MDGA2: variants seen among roughly 807,000 people sequenced by gnomAD.
The protein encoded by MDGA2 is MAM domain containing glycosylphosphatidylinositol anchor 2, also known as MAM domain-containing glycosylphosphatidylinositol anchor protein 2.
In MDGA2, 40 loss-of-function variants were observed where a neutral mutation model predicts 117.8. That is an observed-to-expected ratio of 0.34 (90% CI 0.26 to 0.44). The LOEUF (loss-of-function observed/expected upper bound fraction) is 0.44. MDGA2 is among the 20% of genes least tolerant of loss of function. The pLI is 1.00. For synonymous variants in MDGA2, 452 were observed against 439.0 expected (o/e 1.03, Z -0.37); for missense variants, 1,123 against 1,250.6 (o/e 0.90, Z 1.54).
intron 1 of MDGA2, among the ~76,000 whole-genome samples, chr14:47,327,224 T>C (rs1307225157): frequency 6.6e-6 from 1 of 152,080 alleles, no homozygotes. Context: ...AATCAATCTC[T>C]TCCCCCTTTG....
intron 2 of MDGA2, among the ~76,000 whole-genome samples, chr14:47,291,862 T>G (rs1888901598): frequency 6.6e-6 from 1 of 152,174 alleles, no homozygotes; most frequent in Non-Finnish European, 1.5e-5. Flanking sequence ...GACAATCAAG[T>G]TCCTTGTGCA....
intron 7 of MDGA2, among the ~76,000 whole-genome samples, chr14:47,052,194 T>G (rs1273501222): frequency 6.6e-6 from 1 of 151,638 alleles, no homozygotes; most frequent in East Asian, 1.9e-4. Context: ...AAAATTCAAA[T>G]AGTTTCTATG....
chr14:46,874,413 C>T (rs1364169139), intron 12 of MDGA2, among the ~76,000 whole-genome samples: 1 of 151,624 alleles, frequency 6.6e-6, no homozygotes, highest in Admixed American at 6.6e-5. Flanking sequence ...AAATTAATAT[C>T]TTATTGAATA....
At chr14:47,302,640 T>C (rs1566729245) in intron 1 of MDGA2, among the ~76,000 whole-genome samples, 2 of 152,138 alleles carry the variant, frequency 1.3e-5, no homozygotes, top group East Asian at 1.9e-4. Context: ...ATGAATCTTA[T>C]AGAATTTTAA....
intron 7 of MDGA2, among the ~76,000 whole-genome samples, chr14:47,054,675 A>AC (rs1177052339): frequency 6.6e-6 from 1 of 151,830 alleles, no homozygotes; most frequent in African/African-American, 2.4e-5. Context: ...ATGGAACAGA[A>AC]CAGAGCCCTC....
chr14:47,650,246 C>CTACG (rs1281223025), intron 1 of MDGA2, among the ~76,000 whole-genome samples: 9 of 152,166 alleles, frequency 5.9e-5, no homozygotes, highest in Admixed American at 6.5e-5. Context: ...TAGGCTGGAA[C>CTACG]TACGTCCTCA....
intron 3 of MDGA2, among the ~76,000 whole-genome samples, chr14:47,195,313 C>A (rs1259913384): frequency 2.0e-5 from 3 of 151,954 alleles, no homozygotes; most frequent in African/African-American, 7.2e-5. Flanking sequence ...TATTGCTAAT[C>A]TACTCGAAAA....
intron 1 of MDGA2, among the ~76,000 whole-genome samples, chr14:47,311,123 G>A (rs10483575): frequency 1.3e-5 from 2 of 151,972 alleles, no homozygotes; most frequent in East Asian, 3.9e-4. Context: ...TTTAATCTCT[G>A]TAGACTGAAA....
At chr14:47,283,780 C>CCTT (rs1460232436) in intron 2 of MDGA2, among the ~76,000 whole-genome samples, 1 of 152,120 alleles carries the variant, frequency 6.6e-6, no homozygotes, top group Non-Finnish European at 1.5e-5. Context: ...CACCAGCTTT[C>CCTT]CTTTCTATAG....
chr14:47,384,089 C>T (rs555223625), intron 1 of MDGA2, among the ~76,000 whole-genome samples: 1 of 152,054 alleles, frequency 6.6e-6, no homozygotes, highest in Non-Finnish European at 1.5e-5. Flanking sequence ...TGAATACCAT[C>T]AAATACTCTC....
chr14:47,527,948 G>A (rs1219476342), intron 1 of MDGA2, among the ~76,000 whole-genome samples: 1 of 152,222 alleles, frequency 6.6e-6, no homozygotes, highest in Non-Finnish European at 1.5e-5. Context: ...ACTTGAGCAT[G>A]TTTACACACT....
intron 9 of MDGA2, among the ~76,000 whole-genome samples, chr14:46,953,968 G>T (rs1885463672): frequency 1.3e-5 from 2 of 152,042 alleles, no homozygotes; most frequent in African/African-American, 4.8e-5. Context: ...CTGTCATCTG[G>T]TTTCCTATAT....
At chr14:47,301,683 T>A in intron 1 of MDGA2, 133 bp from the exon 2 acceptor site, 1 of 865,788 alleles carries the variant, frequency 1.2e-6, no homozygotes, top group Non-Finnish European at 1.8e-6. Context: ...TCATCAGTCT[T>A]AACACCTCCC....
At chr14:46,899,310 T>C (rs1414899926) in intron 10 of MDGA2, among the ~76,000 whole-genome samples, 1 of 152,002 alleles carries the variant, frequency 6.6e-6, no homozygotes, top group Non-Finnish European at 1.5e-5. Context: ...CAAAGCAGAA[T>C]TACAATAAAT....
At chr14:47,644,752 C>T (rs1466726074) in intron 1 of MDGA2, among the ~76,000 whole-genome samples, 6 of 151,834 alleles carry the variant, frequency 4.0e-5, no homozygotes, top group South Asian at 2.1e-4. Flanking sequence ...TATGAGATGA[C>T]GGACATGCTA....
intron 8 of MDGA2, among the ~76,000 whole-genome samples, chr14:46,999,891 A>G (rs957661990): frequency 1.3e-5 from 2 of 151,998 alleles, no homozygotes; most frequent in Non-Finnish European, 2.9e-5. Context: ...ACCTTCACAC[A>G]TGTCTAAGGG....
chr14:47,341,330 T>C lies in MDGA2; in HGVS notation c.281-39780A>G, dbSNP rs532838464. Among the ~76,000 whole-genome samples, 48 of 152,318 alleles carry C rather than the reference T, an allele frequency of 3.2e-4. 2 individuals are homozygous for C. The South Asian group carries it at 9.5e-3, about 30-fold the overall frequency. On this transcript the variant is annotated intron_variant, in intron 1 of 16. Coordinates refer to ENST00000399232, the MANE Select transcript of MDGA2 (RefSeq NM_001113498.3). ...CTGGGCTTCCTGATGCAATGGTATGTGGCCAAATAAGCTGATTTTACACAT... is the reference window on the plus strand; with the variant it reads ...CTGGGCTTCCTGATGCAATGGTATGCGGCCAAATAAGCTGATTTTACACAT...
chr14:46,969,176 T>C (rs1221143277), intron 8 of MDGA2, among the ~76,000 whole-genome samples: 1 of 152,174 alleles, frequency 6.6e-6, no homozygotes, highest in Non-Finnish European at 1.5e-5. Flanking sequence ...TGGTTCCAAG[T>C]CTTTGCTATT....
intron 1 of MDGA2, among the ~76,000 whole-genome samples, chr14:47,655,334 G>A (rs2138278788): frequency 6.6e-6 from 1 of 152,260 alleles, no homozygotes; most frequent in Non-Finnish European, 1.5e-5. Flanking sequence ...GGACATAACA[G>A]CAGTACGCAT....
Sources: allele counts gnomAD v4.1 joint callset (sites outside exome capture counted in the v4.1 genomes callset), GRCh38; gene constraint gnomAD v4.1.1; transcripts MANE v1.5; gene names NCBI Gene and HGNC (gene_info 2026-07-23, HGNC 2026-07-21).